Variants in RNF8 observed in about 807,000 individuals in gnomAD.
RNF8 encodes ring finger protein 8, also known as E3 ubiquitin-protein ligase RNF8.
In RNF8, 8 loss-of-function variants were observed where a neutral mutation model predicts 59.3. The observed-to-expected ratio is 0.13, with a 90% confidence interval of 0.08 to 0.24. RNF8 has a LOEUF of 0.24. Among genes scored for constraint, RNF8 ranks in the 10% least tolerant of loss-of-function variants. The probability of loss-of-function intolerance (pLI) is 1.00; values close to 1 mark genes in which losing one functional copy is unlikely to be tolerated. For synonymous variants in RNF8, 162 were observed against 200.0 expected, an observed-to-expected ratio of 0.81 and a Z score of 1.60; for missense variants, 406 against 572.6, an observed-to-expected ratio of 0.71 and a Z score of 2.97.
intron 1 of RNF8, among the ~76,000 whole-genome samples, chr6:37,355,795 C>A (rs1769092292): frequency 6.6e-6 from 1 of 152,192 alleles, no homozygotes; most frequent in Admixed American, 6.5e-5. Flanking sequence ...TGATCTTTCC[C>A]TGCCTGGCCC....
At chr6:37,386,180 A>ATTGGCACTTTGAAATGACAAG (rs1344203770) in intron 7 of RNF8, among the ~76,000 whole-genome samples, 2,576 of 152,078 alleles carry the variant, frequency 0.017, 48 homozygotes, top group Non-Finnish European at 0.028. Context: ...CAGAATACAC[A>ATTGGCACTTTGAAATGACAAG]GTTTGAAATG....
At position 37,354,138 on chromosome 6, in the gene RNF8, C is replaced by A; in HGVS notation, c.-27C>A. The stretch of plus-strand genomic sequence containing the variant: ...ACCTAGGTCAGGGTCTCGCTCGGTG[C>A]TGACCGCCCCCGGGGTCGAGTAGGC... On this transcript the variant is annotated 5_prime_UTR_variant, in exon 1 of 8. The change creates a new upstream start codon in the 5' untranslated region. Coordinates refer to ENST00000373479, the MANE Select transcript of RNF8 (RefSeq NM_003958.4). 5 of 1,554,394 alleles carry A rather than the reference C, an allele frequency of 3.2e-6. No individual in the cohort carries two copies. The highest frequency in any genetic ancestry group is 4.4e-6 in the Non-Finnish European group (5 of 1,147,772).
chr6:37,361,186 C>T, intron 2 of RNF8: 4 of 452,966 alleles, frequency 8.8e-6, no homozygotes, highest in South Asian at 6.2e-5. Flanking sequence ...ACCTAATGTG[C>T]TGGGTGTGGT....
intron 1 of RNF8, among the ~76,000 whole-genome samples, chr6:37,358,605 T>C (rs1769203872): frequency 6.6e-6 from 1 of 152,158 alleles, no homozygotes. Context: ...GATAGTATTG[T>C]GAATACTGAG....
chr6:37,363,995 T>C (rs111823833), intron 2 of RNF8, among the ~76,000 whole-genome samples: 1 of 151,614 alleles, frequency 6.6e-6, no homozygotes, highest in African/African-American at 2.4e-5. Context: ...CTGGCTAACA[T>C]GGTGAAACCC....
intron 6 of RNF8, among the ~76,000 whole-genome samples, chr6:37,377,495 T>G (rs1009936310): frequency 6.6e-6 from 1 of 152,224 alleles, no homozygotes; most frequent in Non-Finnish European, 1.5e-5. Flanking sequence ...GATTTCAAAG[T>G]CACCTCTAGA....
At chr6:37,358,851 C>T (rs1581662504) in intron 1 of RNF8, among the ~76,000 whole-genome samples, 2 of 152,124 alleles carry the variant, frequency 1.3e-5, no homozygotes, top group East Asian at 3.8e-4. Context: ...AATCCCAGCA[C>T]TGTGGGAGGC....
intron 7 of RNF8, among the ~76,000 whole-genome samples, chr6:37,382,079 C>T (rs1038950725): frequency 1.3e-5 from 2 of 152,156 alleles, no homozygotes; most frequent in African/African-American, 2.4e-5. Flanking sequence ...TTTCACCTCC[C>T]ATCACTCCAT....
rs1012904016 is a variant in RNF8 at position 37,360,254 on chromosome 6, C to T, written c.112-192C>T. ...TTCAGCTTTCTCTTGTTGTCACAAC[C>T]GTTTGCCTTTTTCTACTTGGTGGTT... On this transcript the variant is annotated intron_variant, in intron 1 of 7. Coordinates refer to ENST00000373479, the MANE Select transcript of RNF8 (RefSeq NM_003958.4). This position sits in a 1 kb window ranked among gnomAD's most constrained non-coding sequence, Gnocchi z 4.2. 6.6e-6 allele frequency among the ~76,000 whole-genome samples: 1 copy of T among 152,070 alleles called. No individual in the cohort carries two copies. The highest frequency in any genetic ancestry group is 2.1e-4 in the South Asian group (1 of 4,822).
In RNF8 at chr6:37,354,280, G is replaced by T; in HGVS notation, c.111+5G>T. On this transcript the variant is annotated splice_donor_5th_base_variant and intron_variant, in intron 1 of 7. Coordinates refer to ENST00000373479, the MANE Select transcript of RNF8 (RefSeq NM_003958.4). ...CTGCTGGAAGATGGGTGCGAGGTAC[G>T]GGGGAAGGGGTCCTGTGGAGCGGAG... The T allele has an allele frequency of 6.4e-7, 1 of 1,555,508 alleles. No homozygotes were observed. Among genetic ancestry groups the T allele is most frequent in the East Asian group, 2.4e-5 (1 of 42,284 alleles).
chr6:37,378,911 A>T (rs1376029054), intron 6 of RNF8, among the ~76,000 whole-genome samples: 1 of 152,232 alleles, frequency 6.6e-6, no homozygotes, highest in African/African-American at 2.4e-5. Flanking sequence ...GACATATAAG[A>T]CATAAACAAC....
At chr6:37,358,399 G>A (rs1024727635) in intron 1 of RNF8, among the ~76,000 whole-genome samples, 6 of 152,202 alleles carry the variant, frequency 3.9e-5, no homozygotes, top group Middle Eastern at 3.2e-3. Context: ...TAAAGCTTAT[G>A]GGGGCTAGAG....
chr6:37,376,494 C>T (rs1369042257), intron 5 of RNF8, among the ~76,000 whole-genome samples: 7 of 152,220 alleles, frequency 4.6e-5, no homozygotes, highest in East Asian at 1.9e-4. Flanking sequence ...TCTTCTGATT[C>T]GTAGATGGAG....
Position 37,368,815 on chromosome 6 carries a change from G to C in RNF8, c.572G>C (p.Gly191Ala). The C allele has an allele frequency of 6.2e-7, 1 of 1,614,148 alleles. No homozygotes were observed. The highest frequency in any genetic ancestry group is 8.5e-7 in the Non-Finnish European group (1 of 1,180,034). Residue 191 changes from glycine to alanine, a missense_variant, in exon 3 of 8, where the codon GGG becomes GCG. Around this residue, in one of 3 missense-constraint regions of RNF8, gnomAD observed 285 missense variants for 342.0 expected, o/e 0.83. Coordinates refer to ENST00000373479, the MANE Select transcript of RNF8 (RefSeq NM_003958.4). Reference protein sequence around the residue: ...CESGQPVKSQGKGEVASTPSD... With the variant: ...CESGQPVKSQAKGEVASTPSD... ...TCTGGTCAGCCAGTGAAATCACAGG[G>C]GAAAGGTGAAGTGGCCAGTACACCC...
chr6:37,364,422 A>G (rs1403097775), intron 2 of RNF8, among the ~76,000 whole-genome samples: 1 of 152,128 alleles, frequency 6.6e-6, no homozygotes, highest in Non-Finnish European at 1.5e-5. Context: ...TAAGATGTTC[A>G]TTTTGTGACT....
Position 37,366,953 on chromosome 6 carries a change from C to T in RNF8, c.241-1531C>T, listed in dbSNP as rs147447271. ...TGCACATGATATTCCTTTGCATTTA[C>T]AGGCTATGCCATGTAATCCCACATT... On this transcript the variant is annotated intron_variant, in intron 2 of 7. Coordinates refer to ENST00000373479, the MANE Select transcript of RNF8 (RefSeq NM_003958.4). Among the ~76,000 whole-genome samples the T allele has an allele frequency of 2.6e-3, 395 of 152,346 alleles. 5 individuals are homozygous for T. The highest frequency in any genetic ancestry group is 0.01 in the Middle Eastern group (3 of 294).
At chr6:37,362,903 A>G (rs1769382714) in intron 2 of RNF8, among the ~76,000 whole-genome samples, 1 of 152,236 alleles carries the variant, frequency 6.6e-6, no homozygotes, top group Admixed American at 6.5e-5. Context: ...GAGGACAGCT[A>G]AGTCTGCACA....
chr6:37,370,473 C>T (rs1041500536), intron 3 of RNF8, among the ~76,000 whole-genome samples: 5 of 152,142 alleles, frequency 3.3e-5, no homozygotes, highest in Non-Finnish European at 5.9e-5. Flanking sequence ...TCTGGACATG[C>T]CTCAAGGTAT....
At chr6:37,381,440 T>A in intron 7 of RNF8, 86 bp downstream of exon 7, 1 of 1,215,300 alleles carries the variant, frequency 8.2e-7, no homozygotes, top group Non-Finnish European at 1.2e-6. Flanking sequence ...AGAGAAAGAG[T>A]CAGATAAACA....
Sources: gnomAD v4.1 joint callset for allele counts (sites outside exome capture counted in the v4.1 genomes callset) on GRCh38, gnomAD v4.1.1 for gene constraint, gnomAD v4.1.1 regional missense constraint, Gnocchi (gnomAD v3.1) non-coding constraint, MANE v1.5 for transcripts, NCBI Gene and HGNC (gene_info 2026-07-23, HGNC 2026-07-21) for gene names.